DPP10: variants seen among roughly 807,000 people sequenced by gnomAD.
The protein encoded by DPP10 is inactive dipeptidyl peptidase 10.
In DPP10, 33 loss-of-function variants were observed where a neutral mutation model predicts 120.9. The ratio of observed to expected loss-of-function variants is 0.27; its 90% CI spans 0.21 to 0.37. The LOEUF (loss-of-function observed/expected upper bound fraction) is 0.37. Among genes scored for constraint, DPP10 ranks in the 10% least tolerant of loss-of-function variants. The probability of loss-of-function intolerance (pLI) is 1.00; values close to 1 mark genes in which losing one functional copy is unlikely to be tolerated. For missense variants in DPP10, 816 were observed against 942.8 expected (o/e 0.87, Z 1.76); for synonymous variants, 337 against 326.1 (o/e 1.03, Z -0.36).
intron 3 of DPP10, among the ~76,000 whole-genome samples, chr2:115,376,652 T>C (rs900396758): frequency 3.3e-5 from 5 of 150,946 alleles, no homozygotes; most frequent in African/African-American, 1.2e-4. Flanking sequence ...CTGCACCCAC[T>C]AACTCGTCAT....
At chr2:114,769,000 C>T (rs1680999799) in intron 1 of DPP10, among the ~76,000 whole-genome samples, 1 of 152,058 alleles carries the variant, frequency 6.6e-6, no homozygotes, top group Non-Finnish European at 1.5e-5. Flanking sequence ...TGGGGAACCT[C>T]TTACATATTT....
chr2:114,726,234 T>TAAAAA (rs66544851), intron 1 of DPP10, among the ~76,000 whole-genome samples: 1 of 113,882 alleles, frequency 8.8e-6, no homozygotes, highest in African/African-American at 3.3e-5. Context: ...AGACTACGTC[T>TAAAAA]AAAAAAAAAA....
At chr2:114,532,286 T>G (rs1258036015) in intron 1 of DPP10, among the ~76,000 whole-genome samples, 1 of 50,280 alleles carries the variant, frequency 2.0e-5, no homozygotes. Context: ...TATATATATA[T>G]ATATATATAT....
chr2:115,711,131 G>A (rs765565364), intron 7 of DPP10, among the ~76,000 whole-genome samples: 31 of 152,138 alleles, frequency 2.0e-4, no homozygotes, highest in Non-Finnish European at 3.8e-4. Context: ...ATAAAGCTAG[G>A]TGAGTACATG....
At chr2:115,258,981 G>A (rs1294201861) in intron 1 of DPP10, among the ~76,000 whole-genome samples, 1 of 152,244 alleles carries the variant, frequency 6.6e-6, no homozygotes, top group East Asian at 1.9e-4. Flanking sequence ...ACCAAAAATT[G>A]CAATGGCTTG....
intron 1 of DPP10, among the ~76,000 whole-genome samples, chr2:114,846,428 T>A (rs943249587): frequency 7.9e-5 from 12 of 152,130 alleles, no homozygotes; most frequent in African/African-American, 2.9e-4. Context: ...CACCCCTCAA[T>A]TGCAACAATA....
intron 1 of DPP10, among the ~76,000 whole-genome samples, chr2:115,249,020 A>G (rs560566865): frequency 6.6e-6 from 1 of 152,252 alleles, no homozygotes; most frequent in South Asian, 2.1e-4. Context: ...TTGCTAGTAT[A>G]TTTTACTGAG....
chr2:114,719,760 C>T (rs1701585778), intron 1 of DPP10, among the ~76,000 whole-genome samples: 1 of 152,102 alleles, frequency 6.6e-6, no homozygotes, highest in East Asian at 1.9e-4. Context: ...GTGATTATCC[C>T]ACCACACAAT....
At chr2:115,832,231 G>A (rs995166502) in intron 21 of DPP10, among the ~76,000 whole-genome samples, 2 of 152,204 alleles carry the variant, frequency 1.3e-5, no homozygotes, top group Non-Finnish European at 2.9e-5. Flanking sequence ...GGGCACACCT[G>A]TAATCCCAGT....
chr2:114,723,980 T>G lies in DPP10; in HGVS notation c.60+281142T>G, dbSNP rs1181305606. 3.3e-5 allele frequency among the ~76,000 whole-genome samples: 5 copies of G among 152,238 alleles called. No individual in the cohort carries two copies. The East Asian group carries it at 9.7e-4, about 29-fold the overall frequency. On this transcript the variant is annotated intron_variant, in intron 1 of 25. Transcript: ENST00000410059. ...ATAGGCCCAACAAAAGTAATGAAAC[T>G]GGGCATTATAATGGGATCTTGGCCA... is the stretch of plus-strand genomic sequence containing the variant.
At chr2:115,759,782 G>C (rs531471123) in intron 11 of DPP10, among the ~76,000 whole-genome samples, 1 of 152,104 alleles carries the variant, frequency 6.6e-6, no homozygotes, top group South Asian at 2.1e-4. Flanking sequence ...AGGCGGAGGC[G>C]GGCAGATCAC....
chr2:115,218,357 G>A (rs1056093256), intron 1 of DPP10, among the ~76,000 whole-genome samples: 8 of 152,052 alleles, frequency 5.3e-5, no homozygotes, highest in African/African-American at 1.7e-4. Flanking sequence ...TGATTTTAAT[G>A]AGTGTATTGC....
intron 1 of DPP10, among the ~76,000 whole-genome samples, chr2:115,132,743 GTT>G (rs1355119171): frequency 6.6e-6 from 1 of 152,002 alleles, no homozygotes; most frequent in Non-Finnish European, 1.5e-5. Flanking sequence ...AAGTTTGTCA[GTT>G]CAGCCAGTTG....
At chr2:114,841,894 TA>T (rs1294684620) in intron 1 of DPP10, among the ~76,000 whole-genome samples, 1 of 152,064 alleles carries the variant, frequency 6.6e-6, no homozygotes, top group African/African-American at 2.4e-5. Context: ...CATGCTAAGT[TA>T]AAAGGACCAT....
chr2:115,082,976 C>A (rs1708398368), intron 1 of DPP10, among the ~76,000 whole-genome samples: 1 of 152,194 alleles, frequency 6.6e-6, no homozygotes, highest in Non-Finnish European at 1.5e-5. Flanking sequence ...GTTATCAAAT[C>A]AATGAGCATT....
chr2:114,571,665 T>C (rs1479002321), intron 1 of DPP10, among the ~76,000 whole-genome samples: 1 of 152,040 alleles, frequency 6.6e-6, no homozygotes, highest in Admixed American at 6.6e-5. Context: ...TGATGAAAAT[T>C]CTGACAATTA....
chr2:115,830,187 C>T (rs921207125), intron 21 of DPP10, among the ~76,000 whole-genome samples: 3 of 151,860 alleles, frequency 2.0e-5, no homozygotes, highest in Non-Finnish European at 4.4e-5. Context: ...GAAACCCCGT[C>T]TCTGCTAAAA....
At chr2:114,664,771 TAGAGCATCCAAAAGATGGCAG>T (rs1267746289) in intron 1 of DPP10, among the ~76,000 whole-genome samples, 29 of 142,638 alleles carry the variant, frequency 2.0e-4, no homozygotes, top group South Asian at 4.6e-4. Flanking sequence ...AAAGATGGCA[TAGAGCATCCAAAAGATGGCAG>T]AGAGCATCCA....
At chr2:115,368,483 T>A in intron 3 of DPP10, among the ~76,000 whole-genome samples, 1 of 152,122 alleles carries the variant, frequency 6.6e-6, no homozygotes, top group East Asian at 1.9e-4. Flanking sequence ...GTAGTCATCA[T>A]CTTTTCCCAA....
Sources: allele counts gnomAD v4.1 joint callset (sites outside exome capture counted in the v4.1 genomes callset), GRCh38; gene constraint gnomAD v4.1.1; transcripts MANE v1.5; gene names NCBI Gene and HGNC (gene_info 2026-07-23, HGNC 2026-07-21).